The following CNNM2 variants were observed in gnomAD, a reference collection of about 807,000 sequenced individuals.
CNNM2 encodes cyclin and CBS domain divalent metal cation transport mediator 2.
A neutral mutation model predicts 66.9 loss-of-function variants in CNNM2; 12 were observed. The ratio of observed to expected loss-of-function variants is 0.18; its 90% CI spans 0.11 to 0.29. CNNM2 has a LOEUF of 0.29. CNNM2 is among the 10% of genes least tolerant of loss of function. The pLI is 1.00. For synonymous variants in CNNM2, 557 were observed against 501.8 expected, an observed-to-expected ratio of 1.11 and a Z score of -1.47; for missense variants, 705 against 1,167.7, an observed-to-expected ratio of 0.60 and a Z score of 5.77.
At position 103,002,624 on chromosome 10, in the gene CNNM2, C is replaced by T. The variant is rs1260134559; in HGVS notation, c.1622-47083C>T. Among the ~76,000 whole-genome samples, 6 of 152,160 alleles carry T rather than the reference C, an allele frequency of 3.9e-5. No individual in the cohort carries two copies. The South Asian group carries it at 1.0e-3, about 26-fold the overall frequency. Reference sequence around the variant, plus strand: ...TCTCCTGAGTAGCTGGGATTACAGGCATGCGCCACCACACCCGGCTAATTT... The same window carrying T: ...TCTCCTGAGTAGCTGGGATTACAGGTATGCGCCACCACACCCGGCTAATTT... On this transcript the variant is annotated intron_variant, in intron 1 of 7. Transcript: ENST00000369878.
intron 1 of CNNM2, among the ~76,000 whole-genome samples, chr10:102,993,375 G>A (rs1279070134): frequency 6.6e-6 from 1 of 152,182 alleles, no homozygotes; most frequent in Non-Finnish European, 1.5e-5. Flanking sequence ...TAAGACTTTT[G>A]TGACTTAGGA....
At chr10:103,076,034 A>G in intron 6 of CNNM2, 52 bp from the exon 7 acceptor site, 3 of 1,478,632 alleles carry the variant, frequency 2.0e-6, no homozygotes, top group Admixed American at 4.2e-5. Flanking sequence ...AACTGGTTTT[A>G]TTGGCTGTAT....
At chr10:102,946,972 G>A (rs2134186264) in intron 1 of CNNM2, among the ~76,000 whole-genome samples, 1 of 152,272 alleles carries the variant, frequency 6.6e-6, no homozygotes, top group African/African-American at 2.4e-5. Context: ...AATTCTGCAT[G>A]TATCTGAGTA....
In CNNM2 at chr10:103,089,830, T is replaced by G. The variant is rs766540908; in HGVS notation, c.*12650T>G. The G allele has an allele frequency of 1.5e-5, 24 of 1,614,002 alleles. No individual in the cohort carries two copies. Among genetic ancestry groups the G allele is most frequent in the Non-Finnish European group, 2.0e-5 (24 of 1,180,028 alleles). ...TCAGTGTCTTTGAAATCCACTGATGTGCGGTTCCGGGTGGCAAGAGGAGAC... is the reference window on the plus strand; with the variant it reads ...TCAGTGTCTTTGAAATCCACTGATGGGCGGTTCCGGGTGGCAAGAGGAGAC... On this transcript the variant is annotated 3_prime_UTR_variant, in exon 8 of 8. Transcript: ENST00000369878.
rs771606394 is a variant in CNNM2, at chr10:102,919,554, C to T, written c.1074C>T (p.Ile358=). The change falls in exon 1 of 8, where the codon ATC becomes ATT. Residue 358 remains isoleucine, a synonymous_variant. Coordinates refer to ENST00000369878, the MANE Select transcript of CNNM2 (RefSeq NM_017649.5). ...TCGGTATCGTCATCTTCGGAGAGAT[C>T]GTGCCCCAGGCCATCTGCTCCCGGC... ...STIGIVIFGE[I]VPQAICSRHG... 106 of 1,613,324 alleles carry T rather than the reference C, an allele frequency of 6.6e-5. No homozygotes were observed. The highest frequency in any genetic ancestry group is 8.7e-5 in the Non-Finnish European group (103 of 1,180,052).
At chr10:103,063,984 G>A (rs1007721904) in intron 4 of CNNM2, among the ~76,000 whole-genome samples, 3 of 152,196 alleles carry the variant, frequency 2.0e-5, no homozygotes, top group Non-Finnish European at 4.4e-5. Context: ...ACACGTAAAT[G>A]AATAAGATAC....
At chr10:103,024,619 C>T (rs1169692985) in intron 1 of CNNM2, among the ~76,000 whole-genome samples, 1 of 152,070 alleles carries the variant, frequency 6.6e-6, no homozygotes, top group Admixed American at 6.6e-5. Flanking sequence ...GCTGGGACTG[C>T]AGGTGCGTGC....
At chr10:103,010,358 C>T (rs1304182478) in intron 1 of CNNM2, among the ~76,000 whole-genome samples, 1 of 151,672 alleles carries the variant, frequency 6.6e-6, no homozygotes, top group Admixed American at 6.6e-5. Flanking sequence ...CCACGTCAGC[C>T]TCCCAGATAG....
intron 1 of CNNM2, among the ~76,000 whole-genome samples, chr10:103,025,248 T>C (rs1245815161): frequency 6.6e-6 from 1 of 152,100 alleles, no homozygotes; most frequent in Non-Finnish European, 1.5e-5. Flanking sequence ...TGTGCCACCA[T>C]GCCCGGCTAA....
intron 1 of CNNM2, among the ~76,000 whole-genome samples, chr10:102,974,442 G>A (rs574417180): frequency 1.1e-4 from 16 of 152,288 alleles, no homozygotes; most frequent in African/African-American, 3.4e-4. Context: ...TGGCTTAGGA[G>A]TAGCACTTAA....
intron 1 of CNNM2, among the ~76,000 whole-genome samples, chr10:102,992,653 C>T (rs1400063614): frequency 6.6e-6 from 1 of 152,004 alleles, no homozygotes; most frequent in African/African-American, 2.4e-5. Flanking sequence ...GGGAGGTTGA[C>T]CTTTGTGCAG....
chr10:102,935,764 C>G (rs1299679640), intron 1 of CNNM2, among the ~76,000 whole-genome samples: 1 of 145,294 alleles, frequency 6.9e-6, no homozygotes, highest in Non-Finnish European at 1.5e-5. Flanking sequence ...GCACACTCCA[C>G]TGCACCTGGC....
At chr10:102,977,360 T>G (rs1166623675) in intron 1 of CNNM2, among the ~76,000 whole-genome samples, 5 of 152,216 alleles carry the variant, frequency 3.3e-5, no homozygotes, top group Non-Finnish European at 1.5e-5. Flanking sequence ...CTGAGCATCA[T>G]GTCAGTGCTC....
intron 4 of CNNM2, among the ~76,000 whole-genome samples, chr10:103,066,141 AC>A (rs2065473130): frequency 6.6e-6 from 1 of 151,720 alleles, no homozygotes. Context: ...AATTCTCCTG[AC>A]CCCTGCTCTT....
chr10:103,073,627 C>T (rs904338304), intron 6 of CNNM2, among the ~76,000 whole-genome samples: 3 of 151,440 alleles, frequency 2.0e-5, no homozygotes, highest in East Asian at 1.9e-4. Flanking sequence ...TTTCGGAGGC[C>T]GAGGCGGGTG....
intron 1 of CNNM2, among the ~76,000 whole-genome samples, chr10:102,991,264 G>A (rs1054730903): frequency 2.6e-5 from 4 of 152,010 alleles, no homozygotes; most frequent in Non-Finnish European, 4.4e-5. Flanking sequence ...CTGGGATTAC[G>A]GATGTGACTC....
intron 1 of CNNM2, among the ~76,000 whole-genome samples, chr10:103,019,414 GTT>G (rs2064525591): frequency 6.6e-6 from 1 of 152,182 alleles, no homozygotes; most frequent in Non-Finnish European, 1.5e-5. Context: ...AGAAATGAAA[GTT>G]GAGCAAGTGG....
At chr10:102,944,979 G>GTTTTTTGTTTTTTT in intron 1 of CNNM2, among the ~76,000 whole-genome samples, 1 of 140,654 alleles carries the variant, frequency 7.1e-6, no homozygotes. Context: ...TTTGTTTTTT[G>GTTTTTTGTTTTTTT]TTTTTTTTTT....
chr10:103,052,942 G>A (rs2065240168), intron 2 of CNNM2, among the ~76,000 whole-genome samples: 1 of 152,236 alleles, frequency 6.6e-6, no homozygotes, highest in Non-Finnish European at 1.5e-5. Flanking sequence ...GAAAGTGGAA[G>A]TTGCAGTCGC....
Sources: allele counts gnomAD v4.1 joint callset (sites outside exome capture counted in the v4.1 genomes callset), GRCh38; gene constraint gnomAD v4.1.1; transcripts MANE v1.5; gene names NCBI Gene and HGNC (gene_info 2026-07-23, HGNC 2026-07-21).